The following PARP8 variants were observed in gnomAD, a reference collection of about 807,000 sequenced individuals.
PARP8 encodes protein mono-ADP-ribosyltransferase PARP8.
A neutral mutation model predicts 124.1 loss-of-function variants in PARP8; 51 were observed. That is an observed-to-expected ratio of 0.41 (90% CI 0.33 to 0.52). The LOEUF is 0.52. PARP8 is among the 20% of genes least tolerant of loss of function. The probability of loss-of-function intolerance (pLI) is 0.21; values close to 1 mark genes in which losing one functional copy is unlikely to be tolerated. For synonymous variants in PARP8, 391 were observed against 361.5 expected, an observed-to-expected ratio of 1.08 and a Z score of -0.93; for missense variants, 860 against 1,018.9, an observed-to-expected ratio of 0.84 and a Z score of 2.12.
intron 14 of PARP8, among the ~76,000 whole-genome samples, chr5:50,813,572 G>A (rs929143956): frequency 2.0e-5 from 3 of 152,044 alleles, no homozygotes; most frequent in South Asian, 2.1e-4. Context: ...TTCCTAATTG[G>A]ATACCCTTTA....
At chr5:50,751,140 GC>G (rs1371557606) in intron 3 of PARP8, among the ~76,000 whole-genome samples, 1 of 152,050 alleles carries the variant, frequency 6.6e-6, no homozygotes, top group Non-Finnish European at 1.5e-5. Flanking sequence ...ACAAATTAAA[GC>G]CCAGGTTGAA....
At chr5:50,682,940 TG>T (rs59765057) in intron 2 of PARP8, among the ~76,000 whole-genome samples, 128,600 of 151,988 alleles carry the variant, frequency 0.85, 54,783 homozygotes, top group East Asian at 0.96. Flanking sequence ...TGAGTACATT[TG>T]GGGAGGGCAG....
At chr5:50,839,448 C>G (rs1747930930) in intron 25 of PARP8, among the ~76,000 whole-genome samples, 1 of 151,936 alleles carries the variant, frequency 6.6e-6, no homozygotes, top group Admixed American at 6.6e-5. Flanking sequence ...TCTAATACCA[C>G]TAGCAACTTA....
rs562314379 is a variant in PARP8, at chr5:50,666,722, C to G, written c.-374C>G. On this transcript the variant is annotated 5_prime_UTR_variant, in exon 1 of 26. Coordinates refer to ENST00000281631, the MANE Select transcript of PARP8 (RefSeq NM_024615.4). ...CCCTCGCCGGCGCCCGCCGCCCAGC[C>G]GGTGATTGCTCTCTGGCTGTCCCCG... is the stretch of plus-strand genomic sequence containing the variant. The G allele has an allele frequency of 6.3e-3, 2,075 of 328,452 alleles. 12 individuals are homozygous for G. The highest frequency in any genetic ancestry group is 0.047 in the Middle Eastern group (33 of 698). 20.3% of individuals were successfully genotyped at this position (328,452 alleles called of 1,614,324 possible). A position where few individuals can be genotyped will look rare whatever the true frequency, so the allele number is the denominator to read the frequency against.
intron 2 of PARP8, among the ~76,000 whole-genome samples, chr5:50,707,554 G>T (rs1349441769): frequency 6.6e-6 from 1 of 151,546 alleles, no homozygotes; most frequent in East Asian, 1.9e-4. Flanking sequence ...TTAATTGAAT[G>T]ATTTGAAGAT....
In PARP8 at chr5:50,778,549, T is replaced by C. The variant is rs183124743; in HGVS notation, c.580-11T>C. 8.2e-6 allele frequency: 13 copies of C among 1,581,952 alleles called. No homozygotes were observed. The Admixed American group carries it at 2.3e-4, about 29-fold the overall frequency. On this transcript the variant is annotated splice_polypyrimidine_tract_variant and intron_variant, in intron 8 of 25. Coordinates refer to ENST00000281631, the MANE Select transcript of PARP8 (RefSeq NM_024615.4). ...AGATGATTAATTCATCTTTTAAATA[T>C]ATTTGTGCAGGAGGAGATTGCTGTG...
intron 2 of PARP8, among the ~76,000 whole-genome samples, chr5:50,724,944 C>T (rs902863173): frequency 7.2e-5 from 11 of 152,006 alleles, no homozygotes; most frequent in African/African-American, 9.6e-5. Flanking sequence ...TAAGTGAAAA[C>T]GTATGGTTTT....
chr5:50,830,620 A>T (rs1298951712), intron 22 of PARP8, among the ~76,000 whole-genome samples: 1 of 152,212 alleles, frequency 6.6e-6, no homozygotes, highest in Non-Finnish European at 1.5e-5. Context: ...TTTATATAAC[A>T]ACTAACCTAT....
At chr5:50,774,565 G>C (rs1304249730) in intron 7 of PARP8, among the ~76,000 whole-genome samples, 6 of 137,346 alleles carry the variant, frequency 4.4e-5, no homozygotes, top group African/African-American at 1.1e-4. Context: ...GATGATGGGC[G>C]GCCGGGCAGA....
At chr5:50,747,169 T>G (rs1165588036) in intron 2 of PARP8, among the ~76,000 whole-genome samples, 9 of 144,876 alleles carry the variant, frequency 6.2e-5, no homozygotes, top group East Asian at 4.0e-4. Flanking sequence ...TTTTGTTTTT[T>G]TTTTTTTTTT....
chr5:50,739,732 A>ATATTT (rs1391397402), intron 2 of PARP8, among the ~76,000 whole-genome samples: 2 of 44,208 alleles, frequency 4.5e-5, no homozygotes, highest in African/African-American at 1.5e-4. Flanking sequence ...ATATATATAT[A>ATATTT]TTTTTTTTTT....
chr5:50,773,227 T>C (rs1449240831), intron 7 of PARP8, among the ~76,000 whole-genome samples: 4 of 152,240 alleles, frequency 2.6e-5, no homozygotes, highest in South Asian at 2.1e-4. Flanking sequence ...TGCTTTTGAA[T>C]TCTTATTCAA....
chr5:50,667,930 G>T, intron 1 of PARP8, 141 bp from the exon 2 acceptor site: 1 of 1,543,538 alleles, frequency 6.5e-7, no homozygotes, highest in East Asian at 2.3e-5. Flanking sequence ...ACGCGGCGCA[G>T]AGGGACCTCG....
intron 3 of PARP8, among the ~76,000 whole-genome samples, chr5:50,754,164 CACACACACACACACACAT>C (rs1759628947): frequency 1.2e-4 from 9 of 72,356 alleles, no homozygotes; most frequent in African/African-American, 3.5e-4. Context: ...CACACACACA[CACACACACACACACACAT>C]ATATATATAT....
In PARP8 at chr5:50,719,330, ATATAATCCCATTTATTCACTT is replaced by A. The variant is rs369127255; in HGVS notation, c.147-30819_147-30799del. ...TGTTGTACAGACACTTTGTAGCTTG[ATATAATCCCATTTATTCACTT>A]TTGCTTTGGTTACCTATGCTTTTGA... On this transcript the variant is annotated intron_variant, in intron 2 of 25. Coordinates refer to ENST00000281631, the MANE Select transcript of PARP8 (RefSeq NM_024615.4). Among the ~76,000 whole-genome samples the A allele has an allele frequency of 2.7e-3, 407 of 152,100 alleles. 3 individuals are homozygous for A. The highest frequency in any genetic ancestry group is 0.024 in the Middle Eastern group (7 of 294).
At chr5:50,667,884 G>A in intron 1 of PARP8, 187 bp from the exon 2 acceptor site, 1 of 1,494,908 alleles carries the variant, frequency 6.7e-7, no homozygotes, top group Non-Finnish European at 8.9e-7. Flanking sequence ...GCGGCCTCCC[G>A]CTGCACCCAG....
intron 2 of PARP8, among the ~76,000 whole-genome samples, chr5:50,730,749 A>G (rs1171679103): frequency 1.3e-5 from 2 of 152,210 alleles, no homozygotes; most frequent in African/African-American, 4.8e-5. Flanking sequence ...TATTTTTGTT[A>G]TATTTTAAGT....
chr5:50,717,391 G>A (rs1357715363), intron 2 of PARP8, among the ~76,000 whole-genome samples: 1 of 151,960 alleles, frequency 6.6e-6, no homozygotes, highest in African/African-American at 2.4e-5. Flanking sequence ...TTTGGCCTGA[G>A]CAAGTATGTA....
Position 50,842,789 on chromosome 5 carries a change from T to G in PARP8, c.*721T>G, listed in dbSNP as rs1469135701. ...ATAAATTTGGACATAAATCAAGATA[T>G]GAGCCAGATTTACCACCATTCATTC... On this transcript the variant is annotated 3_prime_UTR_variant, in exon 26 of 26. Coordinates refer to ENST00000281631, the MANE Select transcript of PARP8 (RefSeq NM_024615.4). 5.3e-5 allele frequency: 8 copies of G among 151,670 alleles called. No individual in the cohort carries two copies. In the East Asian group the frequency reaches 1.5e-3, roughly 29 times the overall value. The allele number at this position is 151,670 out of a possible 1,614,324, so 9.4% of individuals were successfully genotyped here.
Sources: allele counts gnomAD v4.1 joint callset (sites outside exome capture counted in the v4.1 genomes callset), GRCh38; gene constraint gnomAD v4.1.1; transcripts MANE v1.5; gene names NCBI Gene and HGNC (gene_info 2026-07-23, HGNC 2026-07-21).